The following TTC3 variants were observed in gnomAD, a reference collection of about 807,000 sequenced individuals.
TTC3 encodes the protein tetratricopeptide repeat domain 3.
A neutral mutation model predicts 249.6 loss-of-function variants in TTC3; 180 were observed. The ratio of observed to expected loss-of-function variants is 0.72; its 90% confidence interval spans 0.64 to 0.82. The LOEUF (loss-of-function observed/expected upper bound fraction) is 0.82. TTC3 is among the 40% of genes least tolerant of loss of function. The pLI is 0.00. For synonymous variants in TTC3, 717 were observed against 805.0 expected, an observed-to-expected ratio of 0.89 and a Z score of 1.85; for missense variants, 2,061 against 2,398.4, an observed-to-expected ratio of 0.86 and a Z score of 2.94.
chr21:37,086,007 T>C (rs1408272747), intron 1 of TTC3: 1 of 152,218 alleles, frequency 6.6e-6, no homozygotes, highest in African/African-American at 2.4e-5. Flanking sequence ...ACGATAATTG[T>C]GCCTGCTAAG....
At position 37,097,173 on chromosome 21, in the gene TTC3, T is replaced by C. The variant is rs1601385378; in HGVS notation, c.845+530T>C. Among the ~76,000 whole-genome samples, 7 of 152,016 alleles carry C rather than the reference T, an allele frequency of 4.6e-5. No individual in the cohort carries two copies. In the South Asian group the frequency reaches 1.5e-3, roughly 32 times the overall value. On this transcript the variant is annotated intron_variant, in intron 10 of 45. Coordinates refer to ENST00000355666, the Ensembl canonical transcript of TTC3. ...TAAATTTAATATTATGAGAGTGGAG[T>C]CATAATTAATTCCAGTTCCTTATAT...
chr21:37,133,695 C>T (rs568225972), intron 17 of TTC3, among the ~76,000 whole-genome samples: 3 of 152,120 alleles, frequency 2.0e-5, no homozygotes, highest in African/African-American at 7.2e-5. Context: ...TCATTTATGT[C>T]GTATTGAGGG....
chr21:37,164,179 A>C, exon 32 of TTC3: 1 of 1,611,086 alleles, frequency 6.2e-7, no homozygotes, highest in Non-Finnish European at 8.5e-7. Context: ...AAGCTATGGG[A>C]CATGAACCCA....
chr21:37,088,078 TA>T, intron 3 of TTC3, 117 bp from the exon 4 acceptor site: 1 of 1,021,252 alleles, frequency 9.8e-7, no homozygotes, highest in Non-Finnish European at 1.4e-6. Context: ...CAGGCTAGAA[TA>T]CTTCATTCAT....
At chr21:37,170,690 GGAA>G (rs775877485) in intron 34 of TTC3, among the ~76,000 whole-genome samples, 52 of 152,268 alleles carry the variant, frequency 3.4e-4, no homozygotes, top group Non-Finnish European at 6.0e-4. Flanking sequence ...TAGTTAAGTA[GGAA>G]GAAGGTCAGA....
At chr21:37,166,475 A>T in exon 33 of TTC3, 2 of 1,614,224 alleles carry the variant, frequency 1.2e-6, no homozygotes, top group Non-Finnish European at 1.7e-6. Flanking sequence ...ACACTGCAGC[A>T]CAGGTGATGC....
intron 9 of TTC3, 73 bp from the exon 10 acceptor site, chr21:37,096,508 T>A: frequency 8.1e-7 from 1 of 1,241,106 alleles, no homozygotes; most frequent in Non-Finnish European, 1.2e-6. Context: ...TCTCATGCCT[T>A]ATGTTTTCTA....
chr21:37,179,192 TG>T (rs1156454077), intron 35 of TTC3, among the ~76,000 whole-genome samples: 6 of 151,938 alleles, frequency 3.9e-5, no homozygotes, highest in Non-Finnish European at 5.9e-5. Flanking sequence ...GAGGCTGAGG[TG>T]GGAGGATCAC....
intron 30 of TTC3, 121 bp from the exon 31 acceptor site, chr21:37,161,869 A>C (rs2080788907): frequency 5.1e-6 from 3 of 592,748 alleles, no homozygotes; most frequent in Non-Finnish European, 8.3e-6. Flanking sequence ...ATTTGGATAG[A>C]TCTTATATAT....
At chr21:37,121,880 A>G in exon 12 of TTC3, 1 of 1,613,166 alleles carries the variant, frequency 6.2e-7, no homozygotes, top group Non-Finnish European at 8.5e-7. Flanking sequence ...CCTGCAAGCA[A>G]ACATAAAAGC....
rs144048156 is a variant in TTC3 at position 37,141,412 on chromosome 21, T to TCCCC, written c.1772+745_1772+748dup. ...GGAAATTTTATGAGATTTTGGGGAA[T>TCCCC]CCCCCCCCCAGCCATCTTAGAATGT... is the stretch of plus-strand genomic sequence containing the variant. On this transcript the variant is annotated intron_variant, in intron 20 of 45. Coordinates refer to ENST00000355666, the Ensembl canonical transcript of TTC3. Among the ~76,000 whole-genome samples the TCCCC allele has an allele frequency of 3.3e-3, 497 of 150,608 alleles. 2 individuals carry two copies. Among genetic ancestry groups the TCCCC allele is most frequent in the Middle Eastern group, 0.01 (3 of 292 alleles).
exon 33 of TTC3, chr21:37,165,709 T>G: frequency 6.2e-7 from 1 of 1,613,740 alleles, no homozygotes. Context: ...TTGTTGTGAT[T>G]GACAACTGTA....
chr21:37,077,219 A>T (rs1037767248), intron 1 of TTC3, among the ~76,000 whole-genome samples: 4 of 152,086 alleles, frequency 2.6e-5, no homozygotes, highest in Admixed American at 2.0e-4. Flanking sequence ...TGTTCTAGAA[A>T]TTCACCCTTT....
intron 16 of TTC3, among the ~76,000 whole-genome samples, chr21:37,131,325 C>T (rs1241735095): frequency 1.3e-5 from 2 of 152,088 alleles, no homozygotes; most frequent in Non-Finnish European, 2.9e-5. Context: ...GGTTAGGCAC[C>T]AATGGCCAGT....
In TTC3 at chr21:37,191,325, C is replaced by CT; in HGVS notation, c.5025-4dup. The CT allele has an allele frequency of 6.4e-7, 1 of 1,569,898 alleles. No individual in the cohort carries two copies. On this transcript the variant is annotated splice_polypyrimidine_tract_variant and intron_variant, in intron 39 of 45. Coordinates refer to ENST00000355666, the Ensembl canonical transcript of TTC3. ...ATTTCTAAAGCAGTTTTATATTATA[C>CT]TTTTTCAGTGATCCTGCAGCATATC...
At chr21:37,198,435 G>A (rs1290941878) in intron 44 of TTC3, among the ~76,000 whole-genome samples, 1 of 152,196 alleles carries the variant, frequency 6.6e-6, no homozygotes. Flanking sequence ...TTACACAGAT[G>A]TGTCAATGTG....
intron 18 of TTC3, 84 bp from the exon 19 acceptor site, chr21:37,138,550 A>G: frequency 2.3e-6 from 2 of 861,506 alleles, no homozygotes; most frequent in Non-Finnish European, 3.8e-6. Flanking sequence ...GTGAGATTCT[A>G]TTACACTTCT....
rs1167694352 is a variant in TTC3 at position 37,135,270 on chromosome 21, T to G, written c.1444-110T>G. On this transcript the variant is annotated intron_variant, in intron 17 of 45. Transcript: ENST00000355666. ...TGAATAAGGGTAGTTTGGGTATTGA[T>G]GTAAACATTTTATCATTAGTTATAA... 8 of 1,212,780 alleles carry G rather than the reference T, an allele frequency of 6.6e-6. No homozygotes were observed. In the East Asian group the frequency reaches 1.8e-4, roughly 27 times the overall value. 75.1% of individuals were successfully genotyped at this position (1,212,780 alleles called of 1,614,324 possible). A position where few individuals can be genotyped will look rare whatever the true frequency, so the allele number is the denominator to read the frequency against.
intron 16 of TTC3, 60 bp downstream of exon 16, chr21:37,129,123 G>A: frequency 3.1e-6 from 4 of 1,309,404 alleles, no homozygotes; most frequent in Admixed American, 5.1e-5. Flanking sequence ...CAAGAAAAAG[G>A]AAAAAAAATT....
Sources: gnomAD v4.1 joint callset for allele counts (sites outside exome capture counted in the v4.1 genomes callset) on GRCh38, gnomAD v4.1.1 for gene constraint, MANE v1.5 for transcripts, NCBI Gene and HGNC (gene_info 2026-07-23, HGNC 2026-07-21) for gene names.